CDH13: variants seen among roughly 807,000 people sequenced by gnomAD.
CDH13 encodes the protein cadherin-13.
A neutral mutation model predicts 63.8 loss-of-function variants in CDH13; 24 were observed. That is an observed-to-expected ratio of 0.38 (90% confidence interval 0.27 to 0.53). The LOEUF (loss-of-function observed/expected upper bound fraction) is 0.53, where lower values mean the gene tolerates loss of function less well. CDH13 is among the 20% of genes least tolerant of loss of function. The probability of loss-of-function intolerance (pLI) is 0.85; values close to 1 mark genes in which losing one functional copy is unlikely to be tolerated. For synonymous variants in CDH13, 503 were observed against 355.3 expected (o/e 1.42, Z -4.67); for missense variants, 1,049 against 903.1 (o/e 1.16, Z -2.07).
At chr16:83,159,181 A>T (rs1011017950) in intron 4 of CDH13, among the ~76,000 whole-genome samples, 1 of 152,008 alleles carries the variant, frequency 6.6e-6, no homozygotes, top group African/African-American at 2.4e-5. Flanking sequence ...GCTTTTAAAA[A>T]TACCCTGGGG....
At chr16:83,060,963 G>A (rs548363451) in intron 3 of CDH13, among the ~76,000 whole-genome samples, 1 of 152,094 alleles carries the variant, frequency 6.6e-6, no homozygotes, top group Non-Finnish European at 1.5e-5. Context: ...CCCCTCAATG[G>A]CTAATGACTC....
rs766018811 is a variant in CDH13, at chr16:83,039,121, C to T, written c.366+6903C>T. 6.6e-5 allele frequency among the ~76,000 whole-genome samples: 10 copies of T among 152,216 alleles called. No homozygotes were observed. In the East Asian group the frequency reaches 9.6e-4, roughly 15 times the overall value. ...AAGTCTCCCATGGCCCAGGTTCCCA[C>T]GGAGAGTTATGAGGGCCACAGGCTA... On this transcript the variant is annotated intron_variant, in intron 3 of 13. Coordinates refer to ENST00000567109, the MANE Select transcript of CDH13 (RefSeq NM_001257.5).
rs780805461 is a variant in CDH13, at chr16:83,568,278, A to G, written c.961-34176A>G. On this transcript the variant is annotated intron_variant, in intron 7 of 13. Transcript: ENST00000567109. ...TGAAGCCACGAGTTTGGCCTTTAAA[A>G]ATATTAATTTCTTATAAAGATGAAC... Among the ~76,000 whole-genome samples the G allele has an allele frequency of 3.3e-4, 51 of 152,308 alleles. 1 individual carries two copies. The highest frequency in any genetic ancestry group is 1.2e-3 in the South Asian group (6 of 4,822).
intron 2 of CDH13, among the ~76,000 whole-genome samples, chr16:83,029,235 G>C (rs68166703): frequency 0.14 from 20,739 of 152,148 alleles, 1,479 homozygotes; most frequent in African/African-American, 0.18. Context: ...TAGATTTTCA[G>C]ATATTTATAT....
At chr16:83,599,228 G>C (rs1833966) in intron 7 of CDH13, among the ~76,000 whole-genome samples, 49,133 of 152,086 alleles carry the variant, frequency 0.32, 10,460 homozygotes, top group African/African-American at 0.59. Flanking sequence ...ATCTGTACTG[G>C]AAGTTGAAGA....
In CDH13 at chr16:83,129,723, C is replaced by T. The variant is rs561119542; in HGVS notation, c.483+4222C>T. On this transcript the variant is annotated intron_variant, in intron 4 of 13. Coordinates refer to ENST00000567109, the MANE Select transcript of CDH13 (RefSeq NM_001257.5). The stretch of plus-strand genomic sequence containing the variant: ...CTCTGTGCACTGACGCGACAGCCTG[C>T]TGAGGTTTGGAGGAGAACCTTAGAC... Among the ~76,000 whole-genome samples the T allele has an allele frequency of 4.7e-4, 72 of 152,302 alleles. 2 individuals are homozygous for T. In the South Asian group the frequency reaches 0.013, roughly 28 times the overall value.
chr16:83,076,903 AG>A (rs903837635), intron 3 of CDH13, among the ~76,000 whole-genome samples: 1 of 152,108 alleles, frequency 6.6e-6, no homozygotes, highest in African/African-American at 2.4e-5. Context: ...TGACATTAAA[AG>A]TAATGGCAAA....
At chr16:83,743,768 C>CTTTTTT (rs57379661) in intron 10 of CDH13, among the ~76,000 whole-genome samples, 7 of 106,074 alleles carry the variant, frequency 6.6e-5, no homozygotes, top group African/African-American at 1.5e-4. Context: ...TTTTTTTTTT[C>CTTTTTT]TTTGCTTTTT....
At chr16:83,350,569 A>AGAAAAAAGAAAGC (rs1470241733) in intron 6 of CDH13, among the ~76,000 whole-genome samples, 1 of 151,268 alleles carries the variant, frequency 6.6e-6, no homozygotes, top group Admixed American at 6.6e-5. Flanking sequence ...TTTTTTTTCC[A>AGAAAAAAGAAAGC]TCCAGTATGC....
intron 5 of CDH13, among the ~76,000 whole-genome samples, chr16:83,278,414 A>G (rs1217164622): frequency 6.6e-6 from 1 of 152,208 alleles, no homozygotes; most frequent in Non-Finnish European, 1.5e-5. Flanking sequence ...GAAAGGTAGC[A>G]GTATTGTGGT....
chr16:83,453,248 C>G lies in CDH13; in HGVS notation c.782-33229C>G, dbSNP rs114849252. Reference sequence around the variant, plus strand: ...TGGGTAGTGTATGAGGGATAAAAGACTACAAATTGAGTTCAGTGTACACTG... The same window carrying G: ...TGGGTAGTGTATGAGGGATAAAAGAGTACAAATTGAGTTCAGTGTACACTG... On this transcript the variant is annotated intron_variant, in intron 6 of 13. Transcript: ENST00000567109. Among the ~76,000 whole-genome samples the G allele has an allele frequency of 6.5e-3, 996 of 152,214 alleles. 12 individuals are homozygous for G. The highest frequency in any genetic ancestry group is 0.022 in the African/African-American group (906 of 41,520).
intron 1 of CDH13, among the ~76,000 whole-genome samples, chr16:82,816,493 C>T (rs924999119): frequency 2.0e-5 from 3 of 152,094 alleles, no homozygotes; most frequent in Non-Finnish European, 4.4e-5. Flanking sequence ...ACAGTTGTAA[C>T]TTCCATAGTG....
chr16:82,756,782 G>A (rs1270744044), intron 1 of CDH13, among the ~76,000 whole-genome samples: 3 of 152,128 alleles, frequency 2.0e-5, no homozygotes, highest in Admixed American at 6.5e-5. Context: ...TTATGCTTTC[G>A]TGAGCTCCTC....
At chr16:82,839,361 G>T (rs1325850725) in intron 1 of CDH13, among the ~76,000 whole-genome samples, 2 of 152,184 alleles carry the variant, frequency 1.3e-5, no homozygotes, top group African/African-American at 4.8e-5. Flanking sequence ...GACTCTGACT[G>T]TACTTTTGCT....
intron 5 of CDH13, among the ~76,000 whole-genome samples, chr16:83,323,231 TTTCTTTC>T (rs2090278936): frequency 7.1e-6 from 1 of 141,576 alleles, no homozygotes; most frequent in Non-Finnish European, 1.5e-5. Context: ...TCTTTCTTTC[TTTCTTTC>T]TTTCCTTCCT....
At chr16:83,096,432 A>G (rs2034197321) in intron 3 of CDH13, among the ~76,000 whole-genome samples, 1 of 152,212 alleles carries the variant, frequency 6.6e-6, no homozygotes, top group African/African-American at 2.4e-5. Context: ...GAAATACAAG[A>G]TGGAAGGTAT....
At chr16:83,342,361 C>T (rs1401262237) in intron 5 of CDH13, among the ~76,000 whole-genome samples, 2 of 152,116 alleles carry the variant, frequency 1.3e-5, no homozygotes, top group Non-Finnish European at 2.9e-5. Context: ...CCACTGGATA[C>T]CAGGGTGTTC....
chr16:83,156,636 G>C (rs1017386116), intron 4 of CDH13, among the ~76,000 whole-genome samples: 6 of 152,120 alleles, frequency 3.9e-5, no homozygotes, highest in African/African-American at 1.4e-4. Context: ...CCCCTAATAG[G>C]ACTACATCAA....
intron 3 of CDH13, among the ~76,000 whole-genome samples, chr16:83,106,895 G>GA (rs200210017): frequency 1.8e-4 from 27 of 151,574 alleles, no homozygotes; most frequent in African/African-American, 6.1e-4. Flanking sequence ...CTATGTGGAT[G>GA]ATTTTTTTTT....
Sources: allele counts gnomAD v4.1 joint callset (sites outside exome capture counted in the v4.1 genomes callset), GRCh38; gene constraint gnomAD v4.1.1; transcripts MANE v1.5; gene names NCBI Gene and HGNC (gene_info 2026-07-23, HGNC 2026-07-21).